Variants in GPAM observed in about 807,000 individuals in gnomAD.
GPAM encodes glycerol-3-phosphate acyltransferase 1, mitochondrial.
A neutral mutation model predicts 105.0 loss-of-function variants in GPAM; 56 were observed. The ratio of observed to expected loss-of-function variants is 0.53; its 90% CI spans 0.43 to 0.67. The LOEUF (loss-of-function observed/expected upper bound fraction) is 0.67. Among genes scored for constraint, GPAM ranks in the 30% least tolerant of loss-of-function variants. GPAM has a pLI of 0.00. For synonymous variants in GPAM, 368 were observed against 354.4 expected, an observed-to-expected ratio of 1.04 and a Z score of -0.43; for missense variants, 855 against 989.8, an observed-to-expected ratio of 0.86 and a Z score of 1.83.
In GPAM at chr10:112,150,497, A is replaced by T. The variant is rs1274965621; in HGVS notation, c.*3053T>A. On this transcript the variant is annotated 3_prime_UTR_variant, in exon 22 of 22. Coordinates refer to ENST00000348367, the MANE Select transcript of GPAM (RefSeq NM_001244949.2). ...TCTATTCAACGCCACACTGGACGTT[A>T]CAAAATGCATGCATATTCTGCCCCA... is the stretch of plus-strand genomic sequence containing the variant. 1 of 985,418 alleles carries T rather than the reference A, an allele frequency of 1.0e-6. No homozygotes were observed. The highest frequency in any genetic ancestry group is 1.7e-5 in the African/African-American group (1 of 57,238). The allele number at this position is 985,418 out of a possible 1,614,324, so 61.0% of individuals were successfully genotyped here. A position where few individuals can be genotyped will look rare whatever the true frequency, so the allele number is the denominator to read the frequency against.
At chr10:112,216,699 C>G (rs1223234077), upstream of GPAM, among the ~76,000 whole-genome samples, 1 of 152,048 alleles carries the variant, frequency 6.6e-6, no homozygotes, top group Non-Finnish European at 1.5e-5. Context: ...TCTTGGCTCA[C>G]TGCAGCCTCT....
intron 14 of GPAM, among the ~76,000 whole-genome samples, chr10:112,163,395 C>T (rs1367062222): frequency 2.0e-5 from 3 of 152,158 alleles, no homozygotes; most frequent in Non-Finnish European, 4.4e-5. Context: ...CAAATTAGTT[C>T]AAGTAGTTCA....
intron 1 of GPAM, among the ~76,000 whole-genome samples, chr10:112,191,276 G>A (rs907462465): frequency 2.0e-5 from 3 of 152,220 alleles, no homozygotes; most frequent in Non-Finnish European, 4.4e-5. Flanking sequence ...CTGGAGCCAG[G>A]CAGTAAGCAG....
chr10:112,159,897 G>T lies in GPAM; in HGVS notation c.1902+14C>A. 1 of 1,613,062 alleles carries T rather than the reference G, an allele frequency of 6.2e-7. No homozygotes were observed. Among genetic ancestry groups the T allele is most frequent in the Non-Finnish European group, 8.5e-7 (1 of 1,179,334 alleles). ...AGAAAAGAGACCAGGCAACACTGAA[G>T]GGTCTTCACTCACCAGTGAGATGGT... On this transcript the variant is annotated intron_variant, in intron 17 of 21. Coordinates refer to ENST00000348367, the MANE Select transcript of GPAM (RefSeq NM_001244949.2).
At chr10:112,220,510 ATG>A in the GPAM span, among the ~76,000 whole-genome samples, 1 of 152,100 alleles carries the variant, frequency 6.6e-6, no homozygotes, top group African/African-American at 2.4e-5. Context: ...TTTTAGCTAT[ATG>A]TGTTTTGTTG....
chr10:112,178,563 CA>C (rs1169589315), intron 4 of GPAM, among the ~76,000 whole-genome samples: 3 of 94,346 alleles, frequency 3.2e-5, no homozygotes, highest in African/African-American at 1.1e-4. Flanking sequence ...AAAACAAAAA[CA>C]AAAACAAAAA....
At chr10:112,178,940 C>T (rs1363887136) in intron 4 of GPAM, among the ~76,000 whole-genome samples, 1 of 152,066 alleles carries the variant, frequency 6.6e-6, no homozygotes. Context: ...GAAAGATAAT[C>T]CAGAGATAGC....
chr10:112,175,250 G>A lies in GPAM; in HGVS notation c.413+350C>T, dbSNP rs558818301. On this transcript the variant is annotated intron_variant, in intron 6 of 21. Transcript: ENST00000348367. ...AAAATATCAAACTCAATTCTCTTTC[G>A]GCTATAAAATAGGAAATACAATGTC... Among the ~76,000 whole-genome samples the A allele has an allele frequency of 1.2e-4, 19 of 152,116 alleles. 1 individual carries two copies. The South Asian group carries it at 1.5e-3, about 12-fold the overall frequency.
chr10:112,158,522 T>G, intron 17 of GPAM, 129 bp from the exon 18 acceptor site: 1 of 693,114 alleles, frequency 1.4e-6, no homozygotes. Flanking sequence ...ACTGAGCAAG[T>G]CCTGTGATTC....
rs896300910 is a variant in GPAM at position 112,166,649 on chromosome 10, A to G, written c.1108-134T>C. 28 of 707,874 alleles carry G rather than the reference A, an allele frequency of 4.0e-5. No individual in the cohort carries two copies. The Admixed American group carries it at 5.6e-4, about 14-fold the overall frequency. 43.8% of individuals were successfully genotyped at this position (707,874 alleles called of 1,614,324 possible). A position where few individuals can be genotyped will look rare whatever the true frequency, so the allele number is the denominator to read the frequency against. On this transcript the variant is annotated intron_variant, in intron 11 of 21. Coordinates refer to ENST00000348367, the MANE Select transcript of GPAM (RefSeq NM_001244949.2). ...GAAGAAGAACAATGAATGAAGAAGG[A>G]AAGGAGGTAATCATTAACTGCGGCC...
intron 3 of GPAM, among the ~76,000 whole-genome samples, chr10:112,181,440 T>A (rs1847505953): frequency 1.3e-5 from 2 of 152,246 alleles, no homozygotes; most frequent in African/African-American, 2.4e-5. Context: ...CTACTAGGGT[T>A]TTTTTCCTAT....
At chr10:112,217,942 G>A (rs1589616134), upstream of GPAM, among the ~76,000 whole-genome samples, 2 of 152,156 alleles carry the variant, frequency 1.3e-5, no homozygotes, top group East Asian at 1.9e-4. Flanking sequence ...AAATTTAAAA[G>A]GACTTCATTG....
upstream of GPAM, among the ~76,000 whole-genome samples, chr10:112,215,847 A>G (rs1301944581): frequency 6.6e-6 from 1 of 152,104 alleles, no homozygotes; most frequent in African/African-American, 2.4e-5. Context: ...GATGTTGGAG[A>G]TGCTTTATGT....
chr10:112,161,633 T>C (rs1030204196), intron 15 of GPAM, 34 bp downstream of exon 15: 5 of 1,556,808 alleles, frequency 3.2e-6, no homozygotes, highest in Non-Finnish European at 4.4e-6. Context: ...TTCTCCTGCT[T>C]CCTACTTAAC....
At chr10:112,225,559 C>T in the GPAM span, among the ~76,000 whole-genome samples, 3 of 152,148 alleles carry the variant, frequency 2.0e-5, no homozygotes, top group Non-Finnish European at 4.4e-5. Flanking sequence ...ATTCTGGGGA[C>T]TCATGGGTTT....
In GPAM at chr10:112,160,734, A is replaced by G; in HGVS notation, c.1629T>C (p.Cys543=). The G allele has an allele frequency of 6.2e-7, 1 of 1,614,144 alleles. No homozygotes were observed. Among genetic ancestry groups the G allele is most frequent in the Non-Finnish European group, 8.5e-7 (1 of 1,180,010 alleles). ...VMHAIQLLGN[C]VTITHTSRND... ...TCCTGCTAGTGTGGGTGATTGTGAC[A>G]CAATTTCCCAGCAGCTGTATGGCAT... The change falls in exon 16 of 22, where the codon TGT becomes TGC. Residue 543 remains cysteine, a synonymous_variant. Transcript: ENST00000348367.
Position 112,163,744 on chromosome 10 carries a change from TA to T in GPAM, c.1379del (p.Leu460HisfsTer5). 6.2e-7 allele frequency: 1 copy of T among 1,600,682 alleles called. No homozygotes were observed. Among genetic ancestry groups the T allele is most frequent in the Non-Finnish European group, 8.6e-7 (1 of 1,167,770 alleles). ...CCAGATTTGCAATCAACCTCCTTCG[TA>T]GGGATTCATCTGTTGCATTTCTGGA... is the stretch of plus-strand genomic sequence containing the variant. ...NESRNATDES[L>X]RRRLIANLAE... On this transcript the variant is annotated frameshift_variant, in exon 14 of 22. Transcript: ENST00000348367. LOFTEE classifies it high-confidence loss of function.
At position 112,151,559 on chromosome 10, in the gene GPAM, T is replaced by C; in HGVS notation, c.*1991A>G. 2.0e-6 allele frequency: 2 copies of C among 985,740 alleles called. No homozygotes were observed. The highest frequency in any genetic ancestry group is 2.4e-6 in the Non-Finnish European group (2 of 829,876). The allele number at this position is 985,740 out of a possible 1,614,324, so 61.1% of individuals were successfully genotyped here. ...CATTCCCCAAAGCATCTGAACGTAC[T>C]TCTAGAAAACAAACCAACCAAAAGG... is the stretch of plus-strand genomic sequence containing the variant. On this transcript the variant is annotated 3_prime_UTR_variant, in exon 22 of 22. Coordinates refer to ENST00000348367, the MANE Select transcript of GPAM (RefSeq NM_001244949.2).
intron 17 of GPAM, among the ~76,000 whole-genome samples, 168 bp from the exon 18 acceptor site, chr10:112,158,561 G>A (rs920523563): frequency 5.3e-5 from 8 of 151,980 alleles, no homozygotes; most frequent in Non-Finnish European, 7.4e-5. Context: ...ATACACACAC[G>A]GTCATGGACA....
Sources: gnomAD v4.1 joint callset for allele counts (sites outside exome capture counted in the v4.1 genomes callset) on GRCh38, gnomAD v4.1.1 for gene constraint, MANE v1.5 for transcripts, NCBI Gene and HGNC (gene_info 2026-07-23, HGNC 2026-07-21) for gene names.